PRIM2: variants seen among roughly 807,000 people sequenced by gnomAD.
PRIM2 encodes the protein DNA primase large subunit.
In PRIM2, 39 loss-of-function variants were observed where a neutral mutation model predicts 67.3. The ratio of observed to expected loss-of-function variants is 0.58; its 90% CI spans 0.45 to 0.76. The LOEUF (loss-of-function observed/expected upper bound fraction) is 0.76, where lower values mean the gene tolerates loss of function less well. Among genes scored for constraint, PRIM2 ranks in the 30% least tolerant of loss-of-function variants. The probability of loss-of-function intolerance (pLI) is 0.00; values close to 1 mark genes in which losing one functional copy is unlikely to be tolerated. For missense variants in PRIM2, 398 were observed against 598.7 expected (o/e 0.66, Z 3.50); for synonymous variants, 143 against 198.7 (o/e 0.72, Z 2.36).
rs1775018645 is a variant in PRIM2, at chr6:57,537,177, A to G, written c.835-263A>G. 1.3e-5 allele frequency among the ~76,000 whole-genome samples: 2 copies of G among 152,212 alleles called. 1 individual carries two copies. The highest frequency in any genetic ancestry group is 4.1e-4 in the South Asian group (2 of 4,836). ...AAAGAAAAAGTTTAATTAAATTAAA[A>G]AAACAGGTAAAATAAATTTTAATAG... On this transcript the variant is annotated intron_variant, in intron 9 of 13. Coordinates refer to ENST00000615550, the MANE Select transcript of PRIM2 (RefSeq NM_000947.5).
At chr6:57,522,441 A>G (rs1467143689) in intron 8 of PRIM2, among the ~76,000 whole-genome samples, 16 of 152,304 alleles carry the variant, frequency 1.1e-4, no homozygotes, top group African/African-American at 3.6e-4. Flanking sequence ...ATATATAATT[A>G]TATATAATTT....
intron 10 of PRIM2, among the ~76,000 whole-genome samples, chr6:57,583,397 C>T (rs1459071585): frequency 5.6e-5 from 8 of 143,268 alleles, no homozygotes; most frequent in Middle Eastern, 7.8e-3. Flanking sequence ...TCTCATTATT[C>T]AGTTCCCACC....
chr6:57,510,064 T>C (rs1481307953), intron 8 of PRIM2, among the ~76,000 whole-genome samples: 1 of 151,778 alleles, frequency 6.6e-6, no homozygotes, highest in Non-Finnish European at 1.5e-5. Flanking sequence ...GAATTGGAAG[T>C]CTTTTATAGA....
chr6:57,395,882 A>G (rs892066551), intron 7 of PRIM2, among the ~76,000 whole-genome samples: 13 of 151,746 alleles, frequency 8.6e-5, no homozygotes, highest in Non-Finnish European at 1.8e-4. Flanking sequence ...ATTCAGTTCA[A>G]ATAATTTCTA....
the PRIM2 span, among the ~76,000 whole-genome samples, chr6:57,290,770 G>A: frequency 1.3e-5 from 2 of 152,092 alleles, no homozygotes; most frequent in Admixed American, 6.6e-5. Context: ...ATAACAAAAC[G>A]AAGGCAGAAA....
chr6:57,590,837 A>G (rs1776270709), intron 10 of PRIM2, among the ~76,000 whole-genome samples: 1 of 152,216 alleles, frequency 6.6e-6, no homozygotes, highest in Non-Finnish European at 1.5e-5. Context: ...ACTTTGTGAA[A>G]ATGAGCTAAC....
intron 12 of PRIM2, among the ~76,000 whole-genome samples, chr6:57,607,098 G>A (rs1422088639): frequency 4.6e-5 from 7 of 152,138 alleles, no homozygotes; most frequent in African/African-American, 1.7e-4. Flanking sequence ...GAATTTTGAA[G>A]GAATAGGGGA....
chr6:57,342,015 A>AT, intron 5 of PRIM2, among the ~76,000 whole-genome samples: 1 of 152,126 alleles, frequency 6.6e-6, no homozygotes, highest in East Asian at 1.9e-4. Context: ...AAATAAATAT[A>AT]TTTTTACCTT....
intron 8 of PRIM2, among the ~76,000 whole-genome samples, chr6:57,508,109 G>A (rs1255561398): frequency 6.6e-6 from 1 of 151,924 alleles, no homozygotes; most frequent in Non-Finnish European, 1.5e-5. Context: ...TTTCATTTTT[G>A]TTTTTTTAGT....
intron 7 of PRIM2, among the ~76,000 whole-genome samples, chr6:57,474,016 G>A (rs1773404705): frequency 6.6e-6 from 1 of 151,108 alleles, no homozygotes; most frequent in African/African-American, 2.4e-5. Flanking sequence ...ACTTCATTTT[G>A]TTTAGATTTC....
At chr6:57,451,582 C>T (rs1191194028) in intron 7 of PRIM2, among the ~76,000 whole-genome samples, 2 of 152,060 alleles carry the variant, frequency 1.3e-5, no homozygotes, top group African/African-American at 4.8e-5. Flanking sequence ...AAGGCTCATT[C>T]CAGCATTTAA....
intron 5 of PRIM2, among the ~76,000 whole-genome samples, chr6:57,338,390 G>T (rs1371306219): frequency 1.3e-5 from 2 of 151,992 alleles, no homozygotes; most frequent in African/African-American, 4.8e-5. Flanking sequence ...CCAAAGCCGG[G>T]CAGAGACACA....
intron 5 of PRIM2, among the ~76,000 whole-genome samples, chr6:57,368,069 A>G (rs1185193562): frequency 6.6e-6 from 1 of 152,226 alleles, no homozygotes; most frequent in Non-Finnish European, 1.5e-5. Flanking sequence ...TATAGAACCT[A>G]TATTTATTTG....
intron 5 of PRIM2, among the ~76,000 whole-genome samples, chr6:57,327,965 T>G (rs572801796): frequency 6.6e-6 from 1 of 152,222 alleles, no homozygotes; most frequent in Admixed American, 6.5e-5. Flanking sequence ...ACATCTTAGA[T>G]CTCTCACATG....
the PRIM2 span, among the ~76,000 whole-genome samples, chr6:57,299,351 A>G: frequency 4.3e-3 from 652 of 152,330 alleles, 5 homozygotes; most frequent in African/African-American, 0.015. Flanking sequence ...ATTTTAACAA[A>G]AAAAGGACAT....
chr6:57,257,417 A>G, the PRIM2 span, among the ~76,000 whole-genome samples: 1 of 152,070 alleles, frequency 6.6e-6, no homozygotes, highest in Non-Finnish European at 1.5e-5. Flanking sequence ...GATTACAGGC[A>G]CCCACCACCA....
At chr6:57,332,835 C>A (rs1768097944) in intron 5 of PRIM2, among the ~76,000 whole-genome samples, 1 of 152,014 alleles carries the variant, frequency 6.6e-6, no homozygotes, top group African/African-American at 2.4e-5. Context: ...TTGGAAGTCT[C>A]TGACTTTTGC....
chr6:57,623,906 T>C (rs1393036512), intron 12 of PRIM2, among the ~76,000 whole-genome samples: 3 of 152,176 alleles, frequency 2.0e-5, no homozygotes, highest in Non-Finnish European at 4.4e-5. Context: ...GATTTTAACA[T>C]TAGCTTCTGT....
chr6:57,339,084 A>G (rs1490430948), intron 5 of PRIM2, among the ~76,000 whole-genome samples: 3 of 152,058 alleles, frequency 2.0e-5, no homozygotes, highest in Non-Finnish European at 4.4e-5. Flanking sequence ...GAGCCAAATC[A>G]CGAGTGAACT....
Sources: allele counts gnomAD v4.1 joint callset (sites outside exome capture counted in the v4.1 genomes callset), GRCh38; gene constraint gnomAD v4.1.1; transcripts MANE v1.5; gene names NCBI Gene and HGNC (gene_info 2026-07-23, HGNC 2026-07-21).